TSHZ2: variants seen among roughly 807,000 people sequenced by gnomAD.
TSHZ2 encodes teashirt homolog 2.
TSHZ2 carries 21 observed loss-of-function variants against 74.4 expected under a neutral mutation model. The ratio of observed to expected loss-of-function variants is 0.28; its 90% CI spans 0.20 to 0.41. The LOEUF (loss-of-function observed/expected upper bound fraction) is 0.41. Among genes scored for constraint, TSHZ2 ranks in the 10% least tolerant of loss-of-function variants. TSHZ2 has a pLI of 1.00. For missense variants in TSHZ2, 1,244 were observed against 1,293.5 expected, an observed-to-expected ratio of 0.96 and a Z score of 0.59; for synonymous variants, 540 against 515.3, an observed-to-expected ratio of 1.05 and a Z score of -0.65.
intron 1 of TSHZ2, among the ~76,000 whole-genome samples, chr20:52,990,863 G>GATGT (rs371731596): frequency 2.0e-5 from 3 of 152,202 alleles, no homozygotes; most frequent in African/African-American, 7.2e-5. Flanking sequence ...TTATAACAGG[G>GATGT]ATGTGTGTGT....
chr20:52,993,250 A>G (rs1186815962), intron 1 of TSHZ2, among the ~76,000 whole-genome samples: 1 of 152,164 alleles, frequency 6.6e-6, no homozygotes, highest in Non-Finnish European at 1.5e-5. Context: ...GGAGTTTATA[A>G]ATGTTCCCTG....
Position 53,310,768 on chromosome 20 carries a change from G to A in TSHZ2, c.*8+54197G>A, listed in dbSNP as rs535215797. ...CCATTTACCTCATCAAAGCCAGCAA[G>A]GGAGAAAGAGTCTCTTTCAAGATGG... On this transcript the variant is annotated intron_variant, in intron 2 of 2. Coordinates refer to ENST00000371497, the MANE Select transcript of TSHZ2 (RefSeq NM_173485.6). Among the ~76,000 whole-genome samples the A allele has an allele frequency of 7.2e-5, 11 of 152,260 alleles. No individual in the cohort carries two copies. The South Asian group carries it at 1.9e-3, about 26-fold the overall frequency.
chr20:53,217,814 A>G (rs1254213678), intron 1 of TSHZ2, among the ~76,000 whole-genome samples: 1 of 152,234 alleles, frequency 6.6e-6, no homozygotes, highest in African/African-American at 2.4e-5. Flanking sequence ...CTGACTTACT[A>G]TCTCATTTAA....
intron 1 of TSHZ2, among the ~76,000 whole-genome samples, chr20:52,976,803 T>C (rs1420789968): frequency 6.6e-6 from 1 of 152,220 alleles, no homozygotes. Flanking sequence ...ATATGTAAGT[T>C]ATAGGATTCT....
chr20:53,398,942 T>TAATA (rs1982555459), intron 2 of TSHZ2: 6 of 143,614 alleles, frequency 4.2e-5, no homozygotes, highest in African/African-American at 1.5e-4. Context: ...AAATATTCAA[T>TAATA]AATAATAATA....
chr20:53,298,853 C>T (rs949457522), intron 2 of TSHZ2, among the ~76,000 whole-genome samples: 1 of 152,186 alleles, frequency 6.6e-6, no homozygotes, highest in Non-Finnish European at 1.5e-5. Flanking sequence ...AAATAATTTT[C>T]AACACACCTG....
chr20:52,989,089 A>T (rs1426812341), intron 1 of TSHZ2, among the ~76,000 whole-genome samples: 1 of 151,494 alleles, frequency 6.6e-6, no homozygotes, highest in Non-Finnish European at 1.5e-5. Context: ...AAGAAAGGTG[A>T]TCATGAAACT....
At chr20:53,188,855 T>C (rs931041959) in intron 1 of TSHZ2, among the ~76,000 whole-genome samples, 4 of 152,190 alleles carry the variant, frequency 2.6e-5, no homozygotes, top group African/African-American at 9.7e-5. Flanking sequence ...GTATCAATAT[T>C]TTAAATTATA....
intron 2 of TSHZ2, among the ~76,000 whole-genome samples, chr20:53,370,869 A>G (rs1015674917): frequency 6.6e-6 from 1 of 152,172 alleles, no homozygotes; most frequent in Non-Finnish European, 1.5e-5. Context: ...AAATTACTAC[A>G]AACTCAGTGG....
chr20:53,025,534 G>T (rs1297726444), intron 1 of TSHZ2, among the ~76,000 whole-genome samples: 1 of 152,126 alleles, frequency 6.6e-6, no homozygotes, highest in African/African-American at 2.4e-5. Flanking sequence ...AGGAGCCAAG[G>T]ATCACATCAG....
chr20:53,429,874 G>A (rs980964965), intron 2 of TSHZ2, among the ~76,000 whole-genome samples: 2 of 151,404 alleles, frequency 1.3e-5, no homozygotes, highest in African/African-American at 2.5e-5. Flanking sequence ...CACTACTGAC[G>A]TTGTGAGTTG....
At chr20:53,286,350 A>C (rs1375631609) in intron 2 of TSHZ2, among the ~76,000 whole-genome samples, 1 of 152,256 alleles carries the variant, frequency 6.6e-6, no homozygotes, top group Non-Finnish European at 1.5e-5. Flanking sequence ...TGTGGAGACA[A>C]AAGTGTGAAA....
intron 2 of TSHZ2, among the ~76,000 whole-genome samples, chr20:53,314,994 A>G (rs897805905): frequency 6.6e-6 from 1 of 152,186 alleles, no homozygotes; most frequent in African/African-American, 2.4e-5. Context: ...CCTTTAAAGG[A>G]TATACAAGAA....
At chr20:53,469,053 A>T (rs1437134665) in intron 2 of TSHZ2, among the ~76,000 whole-genome samples, 1 of 99,312 alleles carries the variant, frequency 1.0e-5, no homozygotes, top group Non-Finnish European at 1.9e-5. Context: ...TTTTATATAT[A>T]TATATATATA....
At chr20:53,472,951 G>A (rs1221030039) in intron 2 of TSHZ2, among the ~76,000 whole-genome samples, 2 of 152,078 alleles carry the variant, frequency 1.3e-5, no homozygotes, top group Admixed American at 6.5e-5. Flanking sequence ...TTTCCGACGG[G>A]CTTAAAAAAC....
intron 1 of TSHZ2, among the ~76,000 whole-genome samples, chr20:52,993,499 T>A (rs1483215812): frequency 2.6e-5 from 4 of 152,162 alleles, no homozygotes; most frequent in Admixed American, 2.6e-4. Flanking sequence ...TGGGCGCCCC[T>A]CCACAAGAAA....
chr20:53,164,425 T>TAA (rs35106499), intron 1 of TSHZ2, among the ~76,000 whole-genome samples: 37 of 147,074 alleles, frequency 2.5e-4, no homozygotes, highest in African/African-American at 8.6e-4. Flanking sequence ...TCACCTTTCT[T>TAA]AAAAAAAAAA....
intron 2 of TSHZ2, among the ~76,000 whole-genome samples, chr20:53,296,035 CAAAAA>C (rs35311773): frequency 1.0e-5 from 1 of 97,886 alleles, no homozygotes; most frequent in Non-Finnish European, 2.2e-5. Flanking sequence ...GTAATGACTG[CAAAAA>C]AAAAAAAAAA....
intron 1 of TSHZ2, among the ~76,000 whole-genome samples, chr20:53,054,155 G>C (rs1984568094): frequency 6.6e-6 from 1 of 152,190 alleles, no homozygotes; most frequent in African/African-American, 2.4e-5. Context: ...CTCATGATTT[G>C]AGCAGCCTGA....
Sources: gnomAD v4.1 joint callset for allele counts (sites outside exome capture counted in the v4.1 genomes callset) on GRCh38, gnomAD v4.1.1 for gene constraint, MANE v1.5 for transcripts, NCBI Gene and HGNC (gene_info 2026-07-23, HGNC 2026-07-21) for gene names.